CPEB2: variants seen among roughly 807,000 people sequenced by gnomAD.
CPEB2 encodes cytoplasmic polyadenylation element-binding protein 2.
In CPEB2, 56 loss-of-function variants were observed where a neutral mutation model predicts 93.6. That is an observed-to-expected ratio of 0.60 (90% CI 0.48 to 0.75). The LOEUF is 0.75. Among genes scored for constraint, CPEB2 ranks in the 30% least tolerant of loss-of-function variants. The probability of loss-of-function intolerance (pLI) is 0.00; values close to 1 mark genes in which losing one functional copy is unlikely to be tolerated. For synonymous variants in CPEB2, 764 were observed against 586.3 expected (o/e 1.30, Z -4.38); for missense variants, 1,579 against 1,395.1 (o/e 1.13, Z -2.10).
intron 1 of CPEB2, among the ~76,000 whole-genome samples, chr4:15,005,513 C>T (rs1314214114): frequency 6.6e-6 from 1 of 152,100 alleles, no homozygotes; most frequent in Non-Finnish European, 1.5e-5. Flanking sequence ...GAAAGAGTGT[C>T]TTGTTGGTTT....
intron 6 of CPEB2, 135 bp from the exon 7 acceptor site, chr4:15,052,279 A>T: frequency 1.9e-6 from 1 of 538,584 alleles, no homozygotes; most frequent in Non-Finnish European, 3.1e-6. Flanking sequence ...CATGCTATTT[A>T]AATTTCTCTT....
In CPEB2 at chr4:15,062,167, T is replaced by C. The variant is rs1165689458; in HGVS notation, c.2784T>C (p.Gly928=). The change falls in exon 11 of 12, where the codon GGT becomes GGC. Residue 928 remains glycine, a synonymous_variant. Coordinates refer to ENST00000538197, the MANE Select transcript of CPEB2 (RefSeq NM_001177382.2). ...ATCCTGAGCTAAAATACCCAAAAGGTGCTGGGCGAGTTGCTTTCTCCAATC... is the reference window on the plus strand; with the variant it reads ...ATCCTGAGCTAAAATACCCAAAAGGCGCTGGGCGAGTTGCTTTCTCCAATC... ...DTDPELKYPK[G]AGRVAFSNQQ... 2 of 1,613,094 alleles carry C rather than the reference T, an allele frequency of 1.2e-6. No individual in the cohort carries two copies. The highest frequency in any genetic ancestry group is 1.7e-6 in the Non-Finnish European group (2 of 1,179,374).
At chr4:15,060,284 C>T (rs1050464961) in intron 10 of CPEB2, among the ~76,000 whole-genome samples, 1 of 152,100 alleles carries the variant, frequency 6.6e-6, no homozygotes, top group Non-Finnish European at 1.5e-5. Flanking sequence ...GGTATTTATT[C>T]TCAGAGCAAG....
At chr4:15,010,420 GGTA>G (rs1723321589) in intron 3 of CPEB2, 1 of 152,126 alleles carries the variant, frequency 6.6e-6, no homozygotes, top group Admixed American at 6.5e-5. Context: ...AGGCAGTGGA[GGTA>G]GTATGTGACC....
intron 8 of CPEB2, among the ~76,000 whole-genome samples, chr4:15,057,096 C>T (rs888370858): frequency 6.6e-6 from 1 of 151,804 alleles, no homozygotes; most frequent in East Asian, 1.9e-4. Context: ...TTAATTATTA[C>T]AAAATACTTG....
In CPEB2 at chr4:15,039,958, A is replaced by G. The variant is rs115591345; in HGVS notation, c.2177-506A>G. 6.0e-4 allele frequency among the ~76,000 whole-genome samples: 91 copies of G among 152,248 alleles called. No individual in the cohort carries two copies. The East Asian group carries it at 9.4e-3, about 16-fold the overall frequency. ...TTCAGAGTATCAGTTTAATGGTGGT[A>G]TATCTTCTCAGTCATCTGTGTCTTC... On this transcript the variant is annotated intron_variant, in intron 5 of 11. Coordinates refer to ENST00000538197, the MANE Select transcript of CPEB2 (RefSeq NM_001177382.2).
At chr4:15,024,645 C>A (rs1725225815) in intron 4 of CPEB2, among the ~76,000 whole-genome samples, 1 of 151,736 alleles carries the variant, frequency 6.6e-6, no homozygotes, top group African/African-American at 2.4e-5. Flanking sequence ...TTCCTGCCTT[C>A]ATTTTTTAAT....
Position 15,003,893 on chromosome 4 carries a change from CGCCACCCCAGCAGCCGCCCCAGCCGCA to C in CPEB2, c.1224_1250del (p.Pro409_Pro417del). On this transcript the variant is annotated inframe_deletion, in exon 1 of 12. Transcript: ENST00000538197. ...CCGACCCAGCCGCAGCAGCAGCCGC[CGCCACCCCAGCAGCCGCCCCAGCCGCA>C]GCCGCAGCCGCCCGGCTCGTCTGCC... 3.4e-6 allele frequency: 3 copies of C among 884,124 alleles called. No individual in the cohort carries two copies. Among genetic ancestry groups the C allele is most frequent in the Non-Finnish European group, 4.5e-6 (3 of 674,098 alleles). The allele number at this position is 884,124 out of a possible 1,614,324, so 54.8% of individuals were successfully genotyped here.
Position 15,011,225 on chromosome 4 carries a change from C to T in CPEB2, c.2034+2798C>T, listed in dbSNP as rs559965040. On this transcript the variant is annotated intron_variant, in intron 3 of 11. Transcript: ENST00000538197. ...AAGCGATTCTCATGCCTCAGCCTCC[C>T]CAGTAGCTGTGATTACATGCATGCA... Among the ~76,000 whole-genome samples the T allele has an allele frequency of 2.0e-4, 31 of 151,546 alleles. No individual in the cohort carries two copies. In the South Asian group the frequency reaches 4.8e-3, roughly 23 times the overall value.
rs1470249309 is a variant in CPEB2, at chr4:15,004,917, G to A, written c.1662+582G>A. On this transcript the variant is annotated intron_variant, in intron 1 of 11. Transcript: ENST00000538197. The stretch of plus-strand genomic sequence containing the variant: ...CTGTCTCGCTGTCCAATGAGGGAAG[G>A]CGGAAAGGCTTTTTTTTTTCTTTGG... 2.1e-5 allele frequency: 3 copies of A among 144,498 alleles called. No individual in the cohort carries two copies. The East Asian group carries it at 6.0e-4, about 29-fold the overall frequency. 9.0% of individuals were successfully genotyped at this position (144,498 alleles called of 1,614,324 possible). A position where few individuals can be genotyped will look rare whatever the true frequency, so the allele number is the denominator to read the frequency against.
chr4:15,003,902 AGCAGCCGCCCCAGCCGCAGCC>A lies in CPEB2; in HGVS notation c.1240_1260del (p.Gln414_Pro420del), dbSNP rs1160907955. On this transcript the variant is annotated inframe_deletion, in exon 1 of 12. Coordinates refer to ENST00000538197, the MANE Select transcript of CPEB2 (RefSeq NM_001177382.2). ...CCGCAGCAGCAGCCGCCGCCACCCC[AGCAGCCGCCCCAGCCGCAGCC>A]GCAGCCGCCCGGCTCGTCTGCCACC... 1.9e-5 allele frequency: 17 copies of A among 904,338 alleles called. No individual in the cohort carries two copies. Among genetic ancestry groups the A allele is most frequent in the Non-Finnish European group, 2.2e-5 (15 of 693,604 alleles). The allele number at this position is 904,338 out of a possible 1,614,324, so 56.0% of individuals were successfully genotyped here. A position where few individuals can be genotyped will look rare whatever the true frequency, so the allele number is the denominator to read the frequency against.
intron 6 of CPEB2, among the ~76,000 whole-genome samples, chr4:15,046,035 T>G (rs1727653946): frequency 6.6e-6 from 1 of 152,264 alleles, no homozygotes; most frequent in Non-Finnish European, 1.5e-5. Flanking sequence ...CATTTGGTAC[T>G]TGTTATGAAT....
intron 3 of CPEB2, among the ~76,000 whole-genome samples, 155 bp downstream of exon 3, chr4:15,008,582 A>G (rs1266569349): frequency 2.6e-5 from 4 of 152,168 alleles, no homozygotes; most frequent in Non-Finnish European, 4.4e-5. Context: ...CCTGCTTTGA[A>G]CTATTTAATG....
chr4:15,055,388 T>TA (rs1387909191), intron 8 of CPEB2, among the ~76,000 whole-genome samples: 3 of 152,186 alleles, frequency 2.0e-5, no homozygotes, highest in African/African-American at 4.8e-5. Context: ...TCCACATAGA[T>TA]AGAGATGTTT....
chr4:15,050,046 G>A (rs17450086), intron 6 of CPEB2, among the ~76,000 whole-genome samples: 57,808 of 151,972 alleles, frequency 0.38, 13,169 homozygotes, highest in Non-Finnish European at 0.52. Context: ...AACATAAAAC[G>A]GTCCGGTCCG....
rs776071033 is a variant in CPEB2, at chr4:15,067,657, C to G, written c.*1277C>G. 2 of 152,342 alleles carry G rather than the reference C, an allele frequency of 1.3e-5. No individual in the cohort carries two copies. Among genetic ancestry groups the G allele is most frequent in the Non-Finnish European group, 2.9e-5 (2 of 67,932 alleles). The allele number at this position is 152,342 out of a possible 1,614,324, so 9.4% of individuals were successfully genotyped here. On this transcript the variant is annotated 3_prime_UTR_variant, in exon 12 of 12. Transcript: ENST00000538197. Reference sequence around the variant, plus strand: ...GAAGAATGCAAAACTTTAGTAAACCCTAAGTAAAGTCAAAATGGAGAAGGG... The same window carrying G: ...GAAGAATGCAAAACTTTAGTAAACCGTAAGTAAAGTCAAAATGGAGAAGGG...
chr4:15,063,205 A>G (rs1456344751), intron 11 of CPEB2, among the ~76,000 whole-genome samples: 1 of 151,988 alleles, frequency 6.6e-6, no homozygotes, highest in Non-Finnish European at 1.5e-5. Flanking sequence ...GGGGACAGGG[A>G]AGCTGGTTAA....
intron 11 of CPEB2, among the ~76,000 whole-genome samples, chr4:15,065,473 G>T (rs1051470958): frequency 6.6e-6 from 1 of 152,064 alleles, no homozygotes; most frequent in African/African-American, 2.4e-5. Flanking sequence ...TTTACCATGT[G>T]CCGAGCACTG....
intron 6 of CPEB2, among the ~76,000 whole-genome samples, chr4:15,050,576 T>G (rs1560247427): frequency 6.6e-6 from 1 of 152,222 alleles, no homozygotes; most frequent in East Asian, 1.9e-4. Flanking sequence ...TACCCAACTT[T>G]CCTGAAACAG....
Sources: allele counts gnomAD v4.1 joint callset (sites outside exome capture counted in the v4.1 genomes callset), GRCh38; gene constraint gnomAD v4.1.1; transcripts MANE v1.5; gene names NCBI Gene and HGNC (gene_info 2026-07-23, HGNC 2026-07-21).